The following KCTD1 variants were observed in gnomAD, a reference collection of about 807,000 sequenced individuals.
KCTD1 encodes potassium channel tetramerization domain containing 1.
Under a neutral mutation model 66.0 loss-of-function variants are expected in KCTD1, and 24 were observed. The ratio of observed to expected loss-of-function variants is 0.36; its 90% confidence interval spans 0.26 to 0.51. KCTD1 has a LOEUF of 0.51. Among genes scored for constraint, KCTD1 ranks in the 20% least tolerant of loss-of-function variants. KCTD1 has a pLI of 0.95. For synonymous variants in KCTD1, 511 were observed against 517.2 expected (o/e 0.99, Z 0.16); for missense variants, 943 against 1,205.2 (o/e 0.78, Z 3.22).
At chr18:26,580,648 G>T (rs1986330827) in intron 1 of KCTD1, among the ~76,000 whole-genome samples, 2 of 152,194 alleles carry the variant, frequency 1.3e-5, no homozygotes, top group South Asian at 4.1e-4. Flanking sequence ...GGACACTGGG[G>T]AGGGAGTGTG....
rs762320749 is a variant in KCTD1, at chr18:26,455,807, C to T, written c.2534G>A (p.Arg845Gln). 6 of 1,614,070 alleles carry T rather than the reference C, an allele frequency of 3.7e-6. No homozygotes were observed. The highest frequency in any genetic ancestry group is 1.6e-4 in the Middle Eastern group (1 of 6,084). ...TACACGGGGCGTCCGCCTCAGTTCC[C>T]GCCGAAGGACGTATTCGCTGAACTG... ...SSQFSEYVLRRELRRTPRVPS... is the reference protein window; with the variant it reads ...SSQFSEYVLRQELRRTPRVPS... The change falls in exon 5 of 5, where the codon CGG becomes CAG. Residue 845 changes from arginine (R) to glutamine (Q), a missense_variant. Transcript: ENST00000580059.
At chr18:26,497,839 G>A (rs574607452) in intron 2 of KCTD1, among the ~76,000 whole-genome samples, 10 of 152,286 alleles carry the variant, frequency 6.6e-5, no homozygotes, top group Middle Eastern at 3.4e-3. Context: ...ACTTGTGACC[G>A]GCTGGGGTAT....
chr18:26,495,180 G>A (rs796323717), intron 2 of KCTD1, among the ~76,000 whole-genome samples: 2 of 151,904 alleles, frequency 1.3e-5, no homozygotes, highest in Admixed American at 6.6e-5. Context: ...CCATGTCTAC[G>A]AACTGTAGTG....
chr18:26,590,788 T>C (rs1986582612), intron 1 of KCTD1, among the ~76,000 whole-genome samples: 1 of 152,202 alleles, frequency 6.6e-6, no homozygotes. Flanking sequence ...ATTATACACA[T>C]GAAGTATCAC....
chr18:26,518,366 A>C (rs191639612), intron 1 of KCTD1, among the ~76,000 whole-genome samples: 40 of 152,106 alleles, frequency 2.6e-4, no homozygotes, highest in Admixed American at 1.3e-3. Context: ...TCCTGGGTTC[A>C]AGCGATTCTC....
intron 2 of KCTD1, among the ~76,000 whole-genome samples, chr18:26,480,894 T>C (rs1275811527): frequency 3.3e-5 from 5 of 152,240 alleles, no homozygotes; most frequent in Non-Finnish European, 7.3e-5. Context: ...CTCCCTGGCA[T>C]CGTGTGCTGT....
At chr18:26,504,794 T>C (rs1426119016) in intron 1 of KCTD1, among the ~76,000 whole-genome samples, 1 of 152,198 alleles carries the variant, frequency 6.6e-6, no homozygotes, top group African/African-American at 2.4e-5. Context: ...ACTCCAGATG[T>C]TTCATCTAAC....
upstream of KCTD1, among the ~76,000 whole-genome samples, chr18:26,550,604 A>ACACACACACC (rs1257101913): frequency 6.8e-6 from 1 of 147,908 alleles, no homozygotes; most frequent in African/African-American, 2.5e-5. This position sits in a 1 kb window ranked among gnomAD's most constrained non-coding sequence, Gnocchi z 5.4. Flanking sequence ...ACACACACAC[A>ACACACACACC]CCACGCTCTC....
intron 1 of KCTD1, among the ~76,000 whole-genome samples, chr18:26,648,198 AGGAG>A (rs1987965903): frequency 6.6e-6 from 1 of 152,192 alleles, no homozygotes; most frequent in Admixed American, 6.5e-5. Flanking sequence ...GGTGACTCTT[AGGAG>A]GAGAAAGCAG....
chr18:26,571,170 AC>A (rs1973028041), intron 1 of KCTD1, among the ~76,000 whole-genome samples: 1 of 152,206 alleles, frequency 6.6e-6, no homozygotes. Context: ...GAGGGTGGAG[AC>A]CGAGTATCCA....
At chr18:26,589,790 C>T (rs1441392348) in intron 1 of KCTD1, among the ~76,000 whole-genome samples, 1 of 152,150 alleles carries the variant, frequency 6.6e-6, no homozygotes, top group Non-Finnish European at 1.5e-5. Flanking sequence ...GAAATGAGCA[C>T]ACAAGGCAAT....
intron 3 of KCTD1, among the ~76,000 whole-genome samples, chr18:26,466,790 C>T (rs1980758370): frequency 6.6e-6 from 1 of 152,134 alleles, no homozygotes; most frequent in African/African-American, 2.4e-5. Context: ...TGTATTCTCC[C>T]CAACAAGTCT....
intron 1 of KCTD1, among the ~76,000 whole-genome samples, chr18:26,620,102 T>C (rs1405856146): frequency 6.6e-6 from 1 of 152,178 alleles, no homozygotes; most frequent in African/African-American, 2.4e-5. Context: ...GAGGGGTTTT[T>C]GTTTGTTTTA....
At chr18:26,560,426 C>A (rs1312206174) in intron 1 of KCTD1, among the ~76,000 whole-genome samples, 1 of 152,154 alleles carries the variant, frequency 6.6e-6, no homozygotes, top group Non-Finnish European at 1.5e-5. Flanking sequence ...CTGCGATTGG[C>A]TGCATGTTAA....
At chr18:26,607,597 C>G (rs559926640) in intron 1 of KCTD1, among the ~76,000 whole-genome samples, 1 of 152,062 alleles carries the variant, frequency 6.6e-6, no homozygotes, top group Non-Finnish European at 1.5e-5. Context: ...AATATGTCAC[C>G]ACTCACCCAA....
chr18:26,605,592 T>C (rs1986992875), intron 1 of KCTD1, among the ~76,000 whole-genome samples: 1 of 152,184 alleles, frequency 6.6e-6, no homozygotes, highest in Admixed American at 6.5e-5. Flanking sequence ...GTTTCATTCA[T>C]GACCTGGCCC....
At chr18:26,483,152 T>G (rs1001216842) in intron 2 of KCTD1, among the ~76,000 whole-genome samples, 2 of 152,228 alleles carry the variant, frequency 1.3e-5, no homozygotes, top group Non-Finnish European at 2.9e-5. Context: ...TGTTGTCAAC[T>G]GGAAAAGTAT....
At chr18:26,611,444 G>A (rs977361513) in intron 1 of KCTD1, among the ~76,000 whole-genome samples, 2 of 151,994 alleles carry the variant, frequency 1.3e-5, no homozygotes, top group South Asian at 2.1e-4. Flanking sequence ...TCCACCTCCC[G>A]GGTTCAAGTG....
At chr18:26,613,168 A>T (rs1464880723) in intron 1 of KCTD1, among the ~76,000 whole-genome samples, 1 of 152,204 alleles carries the variant, frequency 6.6e-6, no homozygotes, top group Non-Finnish European at 1.5e-5. Context: ...GACTCAGCAC[A>T]CTGAGGATTG....
Sources: allele counts gnomAD v4.1 joint callset (sites outside exome capture counted in the v4.1 genomes callset), GRCh38; gene constraint gnomAD v4.1.1; non-coding constraint Gnocchi (gnomAD v3.1); transcripts MANE v1.5; gene names NCBI Gene and HGNC (gene_info 2026-07-23, HGNC 2026-07-21).